Variants in RAD51C observed in about 807,000 individuals in gnomAD.
RAD51C encodes DNA repair protein RAD51 homolog 3.
In RAD51C, 42 loss-of-function variants were observed where a neutral mutation model predicts 45.0. That is an observed-to-expected ratio of 0.93 (90% CI 0.73 to 1.21). The LOEUF is 1.21. RAD51C is among the 50% of genes most tolerant of loss of function. The pLI is 0.00. For synonymous variants in RAD51C, 172 were observed against 159.8 expected (o/e 1.08, Z -0.58); for missense variants, 474 against 452.2 (o/e 1.05, Z -0.44).
chr17:58,710,787 A>ATT (rs936306214), intron 5 of RAD51C, among the ~76,000 whole-genome samples: 1 of 148,608 alleles, frequency 6.7e-6, no homozygotes, highest in Non-Finnish European at 1.5e-5. Flanking sequence ...AAGGGAAGAG[A>ATT]TTTTTTTTTT....
intron 6 of RAD51C, among the ~76,000 whole-genome samples, chr17:58,721,483 G>C (rs970456443): frequency 6.6e-6 from 1 of 152,174 alleles, no homozygotes; most frequent in African/African-American, 2.4e-5. Context: ...GTCTTGGCCA[G>C]GTACAGTGGC....
At chr17:58,725,816 A>C (rs997845079) in intron 7 of RAD51C, among the ~76,000 whole-genome samples, 4 of 152,044 alleles carry the variant, frequency 2.6e-5, no homozygotes, top group African/African-American at 7.2e-5. Flanking sequence ...AACATGGTGA[A>C]ACCCCATCTC....
intron 4 of RAD51C, among the ~76,000 whole-genome samples, chr17:58,706,982 T>G (rs546918532): frequency 2.2e-4 from 34 of 152,310 alleles, no homozygotes; most frequent in African/African-American, 8.2e-4. Context: ...TCCTTCTTGC[T>G]GAACAATTCC....
At chr17:58,706,564 C>T (rs1157083072) in intron 4 of RAD51C, 1 of 461,658 alleles carries the variant, frequency 2.2e-6, no homozygotes, top group East Asian at 7.1e-5. Context: ...AAGGGCCCCA[C>T]CCTCTGAAAC....
chr17:58,732,924 A>C (rs2049493133), intron 8 of RAD51C, among the ~76,000 whole-genome samples: 2 of 152,200 alleles, frequency 1.3e-5, no homozygotes, highest in African/African-American at 4.8e-5. Context: ...GCCCACTTTA[A>C]GATGTTAATT....
chr17:58,708,131 G>A (rs1187112880), intron 4 of RAD51C, among the ~76,000 whole-genome samples: 4 of 152,142 alleles, frequency 2.6e-5, no homozygotes, highest in African/African-American at 9.7e-5. Flanking sequence ...ATTCCCAGCT[G>A]ACGTTGAACA....
chr17:58,699,025 A>T (rs921321725), intron 3 of RAD51C, among the ~76,000 whole-genome samples: 1 of 151,818 alleles, frequency 6.6e-6, no homozygotes, highest in Non-Finnish European at 1.5e-5. Flanking sequence ...TATTTATTTT[A>T]AGATGGAGTT....
intron 6 of RAD51C, among the ~76,000 whole-genome samples, chr17:58,723,838 A>T (rs932757642): frequency 1.3e-5 from 2 of 152,186 alleles, no homozygotes; most frequent in Admixed American, 1.3e-4. Flanking sequence ...GCAAATAGAG[A>T]ATAATGATTT....
chr17:58,734,279 CAAGTGGACTTGTTACCTTA>C lies in RAD51C; in HGVS notation c.*62_*80del. On this transcript the variant is annotated 3_prime_UTR_variant, in exon 9 of 9. Coordinates refer to ENST00000337432, the MANE Select transcript of RAD51C (RefSeq NM_058216.3). ...ATTGATGTTGTGAAATCAATGTGTA[CAAGTGGACTTGTTACCTTA>C]AAGTATAAATAAACACACTATGGCA... The C allele has an allele frequency of 6.4e-7, 1 of 1,573,762 alleles. No individual in the cohort carries two copies. The highest frequency in any genetic ancestry group is 1.1e-5 in the South Asian group (1 of 87,108).
chr17:58,709,957 A>G lies in RAD51C; in HGVS notation c.804A>G (p.Gln268=). The change falls in exon 5 of 9, where the codon CAA becomes CAG. Residue 268 remains glutamine, a synonymous_variant. Coordinates refer to ENST00000337432, the MANE Select transcript of RAD51C (RefSeq NM_058216.3). ...RTRLLNGLAQ[Q]MISLANNHRL... ...GGTTATTAAATGGCCTAGCCCAGCA[A>G]ATGATCAGCCTTGCAAATAATCACA... 1 of 1,613,470 alleles carries G rather than the reference A, an allele frequency of 6.2e-7. No individual in the cohort carries two copies. The highest frequency in any genetic ancestry group is 8.5e-7 in the Non-Finnish European group (1 of 1,179,442).
chr17:58,729,506 C>T (rs899729466), intron 7 of RAD51C, among the ~76,000 whole-genome samples: 5 of 151,930 alleles, frequency 3.3e-5, no homozygotes, highest in Non-Finnish European at 7.4e-5. Context: ...TGAGCCACCG[C>T]GCCCGGCCTG....
Position 58,712,208 on chromosome 17 carries a change from G to A in RAD51C, c.837+2218G>A, listed in dbSNP as rs775935119. Among the ~76,000 whole-genome samples the A allele has an allele frequency of 5.3e-5, 8 of 151,670 alleles. No individual in the cohort carries two copies. The South Asian group carries it at 6.3e-4, about 12-fold the overall frequency. On this transcript the variant is annotated intron_variant, in intron 5 of 8. Transcript: ENST00000337432. ...CTAAAAATACAAAAAATAGTCAGGC[G>A]TGGTGGCATGCCTGTAATCCCAGCT...
intron 5 of RAD51C, 62 bp from the exon 6 acceptor site, chr17:58,720,684 A>C: frequency 7.8e-7 from 1 of 1,284,684 alleles, no homozygotes; most frequent in Non-Finnish European, 1.1e-6. Context: ...TCTTGGCCAG[A>C]CTGGTCTACT....
At position 58,721,111 on chromosome 17, in the gene RAD51C, T is replaced by C. The variant is rs139565562; in HGVS notation, c.904+299T>C. 3.0e-3 allele frequency among the ~76,000 whole-genome samples: 450 copies of C among 152,216 alleles called. 2 individuals carry two copies. The highest frequency in any genetic ancestry group is 0.01 in the African/African-American group (434 of 41,522). Reference sequence around the variant, plus strand: ...GCCTGGCCAATATGGTGAAACCCCATCTCTACTAAAAATACAAAAAATTAG... The same window carrying C: ...GCCTGGCCAATATGGTGAAACCCCACCTCTACTAAAAATACAAAAAATTAG... On this transcript the variant is annotated intron_variant, in intron 6 of 8. Transcript: ENST00000337432.
At chr17:58,692,829 G>A (rs2143682912) in intron 1 of RAD51C, 41 bp downstream of exon 1, 1 of 1,613,750 alleles carries the variant, frequency 6.2e-7, no homozygotes, top group Non-Finnish European at 8.5e-7. Context: ...ACCGGCCGCC[G>A]TCAGCGCCGC....
chr17:58,709,849 C>T lies in RAD51C; in HGVS notation c.706-10C>T, dbSNP rs769038796. On this transcript the variant is annotated splice_polypyrimidine_tract_variant and intron_variant, in intron 4 of 8. Coordinates refer to ENST00000337432, the MANE Select transcript of RAD51C (RefSeq NM_058216.3). ...CGTAACAAATCTAATATTATCTCTT[C>T]TGTATTTAGGTTCGACTAGTGATAG... 1 of 1,598,766 alleles carries T rather than the reference C, an allele frequency of 6.3e-7. No individual in the cohort carries two copies.
chr17:58,726,063 G>A (rs986385207), intron 7 of RAD51C, among the ~76,000 whole-genome samples: 1 of 150,810 alleles, frequency 6.6e-6, no homozygotes, highest in African/African-American at 2.4e-5. Context: ...ATAGATTGGG[G>A]GAAATCTGCT....
At chr17:58,714,241 T>A (rs1436477895) in intron 5 of RAD51C, among the ~76,000 whole-genome samples, 1 of 152,144 alleles carries the variant, frequency 6.6e-6, no homozygotes, top group Non-Finnish European at 1.5e-5. Flanking sequence ...CTCCTCGGCC[T>A]CCCAAAGTGC....
chr17:58,693,501 A>T (rs2047873510), intron 1 of RAD51C: 2 of 152,354 alleles, frequency 1.3e-5, no homozygotes, highest in African/African-American at 4.8e-5. Context: ...GCCCTTACTG[A>T]TGGAAAATAC....
Sources: gnomAD v4.1 joint callset for allele counts (sites outside exome capture counted in the v4.1 genomes callset) on GRCh38, gnomAD v4.1.1 for gene constraint, MANE v1.5 for transcripts, NCBI Gene and HGNC (gene_info 2026-07-23, HGNC 2026-07-21) for gene names.